RAB11FIP2: variants seen among roughly 807,000 people sequenced by gnomAD.
RAB11FIP2 encodes RAB11 family interacting protein 2.
A neutral mutation model predicts 40.9 loss-of-function variants in RAB11FIP2; 16 were observed. The ratio of observed to expected loss-of-function variants is 0.39; its 90% CI spans 0.26 to 0.59. RAB11FIP2 has a LOEUF of 0.59. Ranked by LOEUF, RAB11FIP2 falls within the 20% of genes least tolerant of loss-of-function variation. RAB11FIP2 has a pLI of 0.53. For missense variants in RAB11FIP2, 532 were observed against 606.2 expected (o/e 0.88, Z 1.28); for synonymous variants, 228 against 213.7 (o/e 1.07, Z -0.58).
At chr10:118,011,591 T>A (rs1292844710) in intron 4 of RAB11FIP2, among the ~76,000 whole-genome samples, 1 of 152,120 alleles carries the variant, frequency 6.6e-6, no homozygotes, top group Admixed American at 6.5e-5. Flanking sequence ...TTACTTCAAC[T>A]CGAGTAATTC....
At position 118,007,437 on chromosome 10, in the gene RAB11FIP2, C is replaced by T. The variant is rs1161617834; in HGVS notation, c.*1561G>A. The T allele has an allele frequency of 2.0e-5, 3 of 149,174 alleles. No homozygotes were observed. Among genetic ancestry groups the T allele is most frequent in the African/African-American group, 7.4e-5 (3 of 40,404 alleles). 9.2% of individuals were successfully genotyped at this position (149,174 alleles called of 1,614,324 possible). ...GCCAAGTATTCTCTGATTCAAAATA[C>T]TAAAATAAGCAAAAAAAAAAAACCC... On this transcript the variant is annotated 3_prime_UTR_variant, in exon 5 of 5. Coordinates refer to ENST00000355624, the MANE Select transcript of RAB11FIP2 (RefSeq NM_014904.3).
rs1372867382 is a variant in RAB11FIP2, at chr10:118,040,217, G to C, written c.702C>G (p.Ser234=). 1 of 1,613,648 alleles carries C rather than the reference G, an allele frequency of 6.2e-7. No individual in the cohort carries two copies. Among genetic ancestry groups the C allele is most frequent in the African/African-American group, 1.3e-5 (1 of 74,860 alleles). Residue 234 remains serine (S), a synonymous_variant, in exon 2 of 5, where the codon TCC becomes TCG. Coordinates refer to ENST00000355624, the MANE Select transcript of RAB11FIP2 (RefSeq NM_014904.3). ...CCTTCAGTTTCTCAGAAGACATATGGGACCCAGATAAATCAGACATTGAAT... is the reference window on the plus strand; with the variant it reads ...CCTTCAGTTTCTCAGAAGACATATGCGACCCAGATAAATCAGACATTGAAT... ...SAHSMSDLSG[S]HMSSEKLKAG... is the part of the protein sequence containing the mutation.
chr10:118,033,157 T>C (rs1333365520), intron 3 of RAB11FIP2, among the ~76,000 whole-genome samples: 1 of 152,076 alleles, frequency 6.6e-6, no homozygotes, highest in Non-Finnish European at 1.5e-5. Flanking sequence ...TGTATCCCCA[T>C]AGAGTAGGAG....
intron 3 of RAB11FIP2, among the ~76,000 whole-genome samples, chr10:118,026,072 A>G (rs1184994488): frequency 6.6e-6 from 1 of 152,198 alleles, no homozygotes; most frequent in African/African-American, 2.4e-5. Flanking sequence ...AATACATATA[A>G]CCAAGGAAAA....
chr10:118,027,688 CAT>C (rs1846361150), intron 3 of RAB11FIP2, among the ~76,000 whole-genome samples: 1 of 152,136 alleles, frequency 6.6e-6, no homozygotes, highest in Admixed American at 6.5e-5. Context: ...CAGGGAATGA[CAT>C]AGAATATAGC....
At chr10:118,026,807 A>G (rs1308074320) in intron 3 of RAB11FIP2, among the ~76,000 whole-genome samples, 1 of 152,178 alleles carries the variant, frequency 6.6e-6, no homozygotes, top group African/African-American at 2.4e-5. Context: ...TAAATTTTCT[A>G]CTTAATACAG....
chr10:118,015,153 T>C, intron 3 of RAB11FIP2, 43 bp from the exon 4 acceptor site: 4 of 1,527,212 alleles, frequency 2.6e-6, no homozygotes, highest in Non-Finnish European at 3.6e-6. Flanking sequence ...ATAACTCATG[T>C]GGGAGGAAAC....
intron 3 of RAB11FIP2, among the ~76,000 whole-genome samples, chr10:118,024,302 A>G (rs1219504749): frequency 6.6e-6 from 1 of 152,048 alleles, no homozygotes; most frequent in East Asian, 1.9e-4. Context: ...AACTCAGATG[A>G]ATTTTTGCAT....
At chr10:118,022,585 T>C (rs953897229) in intron 3 of RAB11FIP2, among the ~76,000 whole-genome samples, 4 of 152,222 alleles carry the variant, frequency 2.6e-5, no homozygotes, top group African/African-American at 7.2e-5. Context: ...ATCTATTTCG[T>C]AGAATTAAAA....
chr10:118,021,702 C>T (rs1418575652), intron 3 of RAB11FIP2, among the ~76,000 whole-genome samples: 1 of 152,214 alleles, frequency 6.6e-6, no homozygotes, highest in Non-Finnish European at 1.5e-5. Flanking sequence ...CACTCTTTAA[C>T]CTCTCAGCTC....
At chr10:118,022,453 G>C (rs1356615347) in intron 3 of RAB11FIP2, among the ~76,000 whole-genome samples, 1 of 152,084 alleles carries the variant, frequency 6.6e-6, no homozygotes, top group Non-Finnish European at 1.5e-5. Context: ...TCTTAGACTG[G>C]CTTTCAAAGT....
At chr10:118,042,698 CTG>C (rs140082644) in intron 1 of RAB11FIP2, among the ~76,000 whole-genome samples, 6 of 151,146 alleles carry the variant, frequency 4.0e-5, no homozygotes, top group South Asian at 2.1e-4. Context: ...TAAGCTACAA[CTG>C]TGTGTGTGTG....
intron 3 of RAB11FIP2, among the ~76,000 whole-genome samples, chr10:118,016,199 G>C (rs575013346): frequency 2.0e-4 from 31 of 152,306 alleles, no homozygotes; most frequent in Admixed American, 1.8e-3. Context: ...AAGATTTGAA[G>C]TACTAGCTTC....
At chr10:118,015,386 A>G (rs1298205951) in intron 3 of RAB11FIP2, among the ~76,000 whole-genome samples, 7 of 152,228 alleles carry the variant, frequency 4.6e-5, no homozygotes, top group Admixed American at 2.6e-4. Flanking sequence ...TAGCACTTTT[A>G]TCCAGCAAGA....
chr10:118,030,081 T>C (rs1846394968), intron 3 of RAB11FIP2, among the ~76,000 whole-genome samples: 1 of 152,116 alleles, frequency 6.6e-6, no homozygotes, highest in Admixed American at 6.6e-5. Context: ...AAAAATAAAC[T>C]GAAAATAAAT....
At chr10:118,014,248 C>T (rs1846190223) in intron 4 of RAB11FIP2, among the ~76,000 whole-genome samples, 1 of 152,092 alleles carries the variant, frequency 6.6e-6, no homozygotes, top group Non-Finnish European at 1.5e-5. Context: ...AAAATTCTTA[C>T]TATACATCTG....
rs1196659278 is a variant in RAB11FIP2, at chr10:118,008,046, A to G, written c.*952T>C. On this transcript the variant is annotated 3_prime_UTR_variant, in exon 5 of 5. Transcript: ENST00000355624. ...CTTCCCACAATTATTTTCAGATATA[A>G]CTTTATAATATTTGCTTTGCTAGTG... 6.6e-6 allele frequency: 1 copy of G among 152,532 alleles called. No individual in the cohort carries two copies. The highest frequency in any genetic ancestry group is 2.4e-5 in the African/African-American group (1 of 41,430). The allele number at this position is 152,532 out of a possible 1,614,324, so 9.4% of individuals were successfully genotyped here.
chr10:118,035,888 A>G (rs903598034), intron 3 of RAB11FIP2, among the ~76,000 whole-genome samples: 2 of 152,220 alleles, frequency 1.3e-5, no homozygotes, highest in East Asian at 1.9e-4. Context: ...CTTCGGGGAA[A>G]AGTGTTTCAA....
intron 3 of RAB11FIP2, among the ~76,000 whole-genome samples, chr10:118,032,962 G>A (rs975916324): frequency 1.3e-5 from 2 of 152,088 alleles, no homozygotes; most frequent in African/African-American, 4.8e-5. Context: ...TGGCCCCAAT[G>A]TGCAAGAGGA....
Sources: allele counts gnomAD v4.1 joint callset (sites outside exome capture counted in the v4.1 genomes callset), GRCh38; gene constraint gnomAD v4.1.1; transcripts MANE v1.5; gene names NCBI Gene and HGNC (gene_info 2026-07-23, HGNC 2026-07-21).